Variants in DTWD2 observed in about 807,000 individuals in gnomAD.
DTWD2 encodes the protein DTW motif tRNA-uridine aminocarboxypropyltransferase 2.
Under a neutral mutation model 31.8 loss-of-function variants are expected in DTWD2, and 39 were observed. The observed-to-expected ratio is 1.22, with a 90% CI of 0.95 to 1.60. DTWD2 has a LOEUF of 1.60. Among genes scored for constraint, DTWD2 ranks in the 40% most tolerant of loss-of-function variants. The pLI, the probability that DTWD2 is intolerant of heterozygous loss-of-function variation, is 0.00. For missense variants in DTWD2, 515 were observed against 381.5 expected, an observed-to-expected ratio of 1.35 and a Z score of -2.92; for synonymous variants, 180 against 142.8, an observed-to-expected ratio of 1.26 and a Z score of -1.86.
intron 1 of DTWD2, among the ~76,000 whole-genome samples, chr5:118,954,419 G>A (rs1209384821): frequency 6.6e-6 from 1 of 152,136 alleles, no homozygotes; most frequent in Non-Finnish European, 1.5e-5. Context: ...TAAAATGTAA[G>A]CTACAGGGAG....
intron 1 of DTWD2, among the ~76,000 whole-genome samples, chr5:118,963,436 G>C (rs1180763732): frequency 6.6e-6 from 1 of 152,206 alleles, no homozygotes; most frequent in East Asian, 1.9e-4. Context: ...CTGGAGAAAG[G>C]GGTGTATGGA....
intron 3 of DTWD2, among the ~76,000 whole-genome samples, chr5:118,936,957 T>G (rs1159976375): frequency 1.3e-5 from 2 of 152,152 alleles, no homozygotes; most frequent in East Asian, 3.8e-4. Flanking sequence ...ACAAGCAACT[T>G]TATGACAATA....
chr5:118,888,750 C>T (rs1389716004), intron 4 of DTWD2, among the ~76,000 whole-genome samples: 1 of 152,196 alleles, frequency 6.6e-6, no homozygotes, highest in African/African-American at 2.4e-5. Flanking sequence ...AGTTACTCTC[C>T]ACAGCTTTGC....
chr5:118,923,118 G>T (rs1003462013), intron 4 of DTWD2, among the ~76,000 whole-genome samples: 12 of 152,002 alleles, frequency 7.9e-5, no homozygotes, highest in African/African-American at 2.9e-4. Context: ...ACACTGAAAT[G>T]AAATTTCACC....
intron 4 of DTWD2, among the ~76,000 whole-genome samples, chr5:118,854,207 C>T (rs375557256): frequency 5.5e-4 from 84 of 152,100 alleles, no homozygotes; most frequent in African/African-American, 2.0e-3. Context: ...ATAAAAAGTG[C>T]TTAGACTTTT....
At chr5:118,983,559 C>T (rs1755355534) in intron 1 of DTWD2, among the ~76,000 whole-genome samples, 1 of 151,946 alleles carries the variant, frequency 6.6e-6, no homozygotes, top group African/African-American at 2.4e-5. Flanking sequence ...ACTTTTTCCT[C>T]CAGAATATCC....
chr5:118,941,123 A>G (rs184772932), intron 2 of DTWD2, among the ~76,000 whole-genome samples: 65 of 152,194 alleles, frequency 4.3e-4, no homozygotes, highest in Middle Eastern at 3.4e-3. Context: ...TAAATGGTTA[A>G]TAACTTTTCT....
intron 4 of DTWD2, among the ~76,000 whole-genome samples, chr5:118,897,259 T>A (rs1753104129): frequency 6.6e-6 from 1 of 152,208 alleles, no homozygotes; most frequent in East Asian, 1.9e-4. Context: ...TGAAATCACA[T>A]AAGATGTATT....
At chr5:118,926,283 G>A (rs1226090035) in intron 4 of DTWD2, among the ~76,000 whole-genome samples, 8 of 152,148 alleles carry the variant, frequency 5.3e-5, no homozygotes, top group African/African-American at 1.7e-4. Context: ...ATTATTCTAA[G>A]TGAAGTAACC....
chr5:118,852,257 T>G (rs1204906050), intron 4 of DTWD2, among the ~76,000 whole-genome samples: 3 of 152,048 alleles, frequency 2.0e-5, no homozygotes, highest in Non-Finnish European at 4.4e-5. Context: ...TGGTTTCATA[T>G]CATTCAAACA....
At chr5:118,864,745 AT>A (rs1367815400) in intron 4 of DTWD2, among the ~76,000 whole-genome samples, 2 of 151,920 alleles carry the variant, frequency 1.3e-5, no homozygotes, top group Non-Finnish European at 2.9e-5. Context: ...GCTATTAAAA[AT>A]ATCAAAGTAG....
At chr5:118,885,456 C>CAAAA (rs34550372) in intron 4 of DTWD2, among the ~76,000 whole-genome samples, 1 of 57,498 alleles carries the variant, frequency 1.7e-5, no homozygotes, top group Non-Finnish European at 3.2e-5. Context: ...GACTCCACCT[C>CAAAA]AAAAAAAAAA....
intron 4 of DTWD2, among the ~76,000 whole-genome samples, chr5:118,892,661 T>C (rs1163439487): frequency 1.3e-5 from 2 of 152,132 alleles, no homozygotes; most frequent in Non-Finnish European, 2.9e-5. Context: ...ACAACAAATT[T>C]GTGGGAAAGG....
Position 118,841,082 on chromosome 5 carries a change from C to G in DTWD2, c.732G>C (p.Leu244Phe). 1.9e-6 allele frequency: 3 copies of G among 1,608,154 alleles called. No individual in the cohort carries two copies. The South Asian group carries it at 3.3e-5, about 18-fold the overall frequency. ...LEKNNYIQET[L>F]LRPLQALCSF... is the part of the protein sequence containing the mutation. Reference sequence around the variant, plus strand: ...AGCATAAAGCTTGAAGAGGGCGAAGCAAAGTCTGTCAAGAGAAAAAAGACA... The same window carrying G: ...AGCATAAAGCTTGAAGAGGGCGAAGGAAAGTCTGTCAAGAGAAAAAAGACA... Residue 244 changes from leucine to phenylalanine, a missense_variant, in exon 6 of 6, where the codon TTG becomes TTC. Leu to Phe is a conservative substitution (Grantham distance 22, BLOSUM62 0). Transcript: ENST00000510708.
intron 4 of DTWD2, among the ~76,000 whole-genome samples, chr5:118,891,329 A>ATAAT (rs1393437819): frequency 1.3e-5 from 2 of 152,158 alleles, no homozygotes; most frequent in East Asian, 3.8e-4. Context: ...ACGATGCCCT[A>ATAAT]TAATTGAGGC....
At chr5:118,858,172 C>CA (rs879424159) in intron 4 of DTWD2, among the ~76,000 whole-genome samples, 2,513 of 134,904 alleles carry the variant, frequency 0.019, 64 homozygotes, top group African/African-American at 0.062. Flanking sequence ...TTTCACATGG[C>CA]AAAAAAAAAA....
chr5:118,874,477 G>A (rs1752577770), intron 4 of DTWD2, among the ~76,000 whole-genome samples: 1 of 152,094 alleles, frequency 6.6e-6, no homozygotes, highest in African/African-American at 2.4e-5. Context: ...CACAATGCAG[G>A]TGCTGATAGA....
At position 118,886,418 on chromosome 5, in the gene DTWD2, T is replaced by C. The variant is rs145839771; in HGVS notation, c.598-38200A>G. ...GAATATGTTGTGGGTACTATGGAAA[T>C]AGTGGGAAGAAAAGTCTAACCTTAT... is the stretch of plus-strand genomic sequence containing the variant. On this transcript the variant is annotated intron_variant, in intron 4 of 5. Transcript: ENST00000510708. Among the ~76,000 whole-genome samples the C allele has an allele frequency of 7.1e-3, 1,074 of 152,206 alleles. 17 individuals are homozygous for C. The highest frequency in any genetic ancestry group is 0.025 in the African/African-American group (1,023 of 41,512).
At chr5:118,945,562 C>G (rs902621380) in intron 1 of DTWD2, among the ~76,000 whole-genome samples, 2 of 152,002 alleles carry the variant, frequency 1.3e-5, no homozygotes, top group East Asian at 3.8e-4. Context: ...GTCAAGAGTT[C>G]AAGACCAGCC....
Sources: allele counts gnomAD v4.1 joint callset (sites outside exome capture counted in the v4.1 genomes callset), GRCh38; gene constraint gnomAD v4.1.1; transcripts MANE v1.5; gene names NCBI Gene and HGNC (gene_info 2026-07-23, HGNC 2026-07-21).